The following ZSWIM9 variants were observed in gnomAD, a reference collection of about 807,000 sequenced individuals.
ZSWIM9 encodes the protein uncharacterized protein ZSWIM9.
In ZSWIM9, 11 loss-of-function variants were observed where a neutral mutation model predicts 25.0. The observed-to-expected ratio is 0.44, with a 90% CI of 0.28 to 0.73. The LOEUF (loss-of-function observed/expected upper bound fraction) is 0.73, where lower values mean the gene tolerates loss of function less well. ZSWIM9 is among the 30% of genes least tolerant of loss of function. ZSWIM9 has a pLI of 0.16. For missense variants in ZSWIM9, 1,070 were observed against 1,296.5 expected, an observed-to-expected ratio of 0.83 and a Z score of 2.68; for synonymous variants, 562 against 582.1, an observed-to-expected ratio of 0.97 and a Z score of 0.50.
At chr19:48,176,254 C>T (rs1306382163) in intron 2 of ZSWIM9, among the ~76,000 whole-genome samples, 5 of 152,032 alleles carry the variant, frequency 3.3e-5, no homozygotes, top group East Asian at 1.9e-4. Flanking sequence ...AGCAAAGCAA[C>T]GGGTCCTTGA....
At chr19:48,180,926 G>C (rs1222815435) in intron 2 of ZSWIM9, 1 of 149,176 alleles carries the variant, frequency 6.7e-6, no homozygotes, top group Non-Finnish European at 1.5e-5. Flanking sequence ...CCTATTATTA[G>C]CCAGCACGCC....
At chr19:48,183,418 C>G (rs537498234) in intron 3 of ZSWIM9, among the ~76,000 whole-genome samples, 1 of 152,100 alleles carries the variant, frequency 6.6e-6, no homozygotes, top group Non-Finnish European at 1.5e-5. Context: ...AGAGCCACCA[C>G]GCCCGGCCTG....
In ZSWIM9 at chr19:48,197,083, G is replaced by A; in HGVS notation, c.*256G>A. Reference sequence around the variant, plus strand: ...ATTCTGAGGGCTTCCCTCTGGAGAGGAAGCATGTGATGAGAGGTGTAGACA... The same window carrying A: ...ATTCTGAGGGCTTCCCTCTGGAGAGAAAGCATGTGATGAGAGGTGTAGACA... On this transcript the variant is annotated 3_prime_UTR_variant, in exon 4 of 4. Transcript: ENST00000614654. 1 of 574,902 alleles carries A rather than the reference G, an allele frequency of 1.7e-6. No homozygotes were observed. The highest frequency in any genetic ancestry group is 2.3e-5 in the South Asian group (1 of 43,578). 35.6% of individuals were successfully genotyped at this position (574,902 alleles called of 1,614,324 possible).
At chr19:48,177,841 C>T (rs1024664349) in intron 2 of ZSWIM9, among the ~76,000 whole-genome samples, 1 of 152,198 alleles carries the variant, frequency 6.6e-6, no homozygotes, top group African/African-American at 2.4e-5. Flanking sequence ...CACATGGTGG[C>T]TGTATGTTTA....
rs1332411368 is a variant in ZSWIM9, at chr19:48,195,348, C to A, written c.1284C>A (p.Arg428=). ...CGCGTGGCGTGGCGCAGTGCCTTCG[C>A]GACCTGGTGGCCATGCAGTGGGCCG... is the stretch of plus-strand genomic sequence containing the variant. ...SPSRGVAQCL[R]DLVAMQWADA... Residue 428 remains arginine (R), a synonymous_variant, in exon 4 of 4, where the codon CGC becomes CGA. Coordinates refer to ENST00000614654, the MANE Select transcript of ZSWIM9 (RefSeq NM_199341.4). This position sits in a 1 kb window ranked among gnomAD's most constrained non-coding sequence, Gnocchi z 5.8. 1 of 1,526,014 alleles carries A rather than the reference C, an allele frequency of 6.6e-7. No individual in the cohort carries two copies. The highest frequency in any genetic ancestry group is 8.7e-7 in the Non-Finnish European group (1 of 1,143,236). The allele number at this position is 1,526,014 out of a possible 1,614,324, so 94.5% of individuals were successfully genotyped here.
intron 3 of ZSWIM9, among the ~76,000 whole-genome samples, chr19:48,187,459 A>ATAT (rs1416122137): frequency 3.7e-5 from 3 of 81,256 alleles, no homozygotes; most frequent in Non-Finnish European, 6.9e-5. Context: ...ATTATATATT[A>ATAT]ATTATATATA....
At chr19:48,193,772 C>T (rs1364064624) in intron 3 of ZSWIM9, among the ~76,000 whole-genome samples, 2 of 152,186 alleles carry the variant, frequency 1.3e-5, no homozygotes, top group Non-Finnish European at 2.9e-5. Flanking sequence ...AATATATGTA[C>T]CAGGCAATGT....
chr19:48,176,231 G>A (rs930758935), intron 2 of ZSWIM9, among the ~76,000 whole-genome samples: 5 of 151,902 alleles, frequency 3.3e-5, no homozygotes, highest in African/African-American at 1.2e-4. Context: ...TGGGTAAGTG[G>A]AAGGCAAATC....
intron 3 of ZSWIM9, among the ~76,000 whole-genome samples, chr19:48,187,969 T>TAGACAGACAGACAGACAGAC (rs2037051343): frequency 6.7e-6 from 1 of 148,194 alleles, no homozygotes; most frequent in African/African-American, 2.6e-5. Context: ...GATAGATAGA[T>TAGACAGACAGACAGACAGAC]AGATAGATAG....
intron 3 of ZSWIM9, chr19:48,187,577 ATT>A (rs1307559873): frequency 1.6e-5 from 1 of 64,178 alleles, no homozygotes; most frequent in Non-Finnish European, 3.0e-5. Context: ...TATTATATAT[ATT>A]ATATATTATA....
At chr19:48,176,199 C>G (rs537006262) in intron 2 of ZSWIM9, among the ~76,000 whole-genome samples, 41 of 152,112 alleles carry the variant, frequency 2.7e-4, no homozygotes, top group African/African-American at 9.2e-4. Flanking sequence ...GAGCGAGACT[C>G]TATCTCAAAA....
Position 48,196,873 on chromosome 19 carries a change from G to C in ZSWIM9, c.*46G>C. On this transcript the variant is annotated 3_prime_UTR_variant, in exon 4 of 4. Coordinates refer to ENST00000614654, the MANE Select transcript of ZSWIM9 (RefSeq NM_199341.4). Reference sequence around the variant, plus strand: ...CACCCTCCACCAGGAGGGTCGGAGGGCATTCTTCGATCCCAAAGATAATAG... The same window carrying C: ...CACCCTCCACCAGGAGGGTCGGAGGCCATTCTTCGATCCCAAAGATAATAG... 1 of 1,250,620 alleles carries C rather than the reference G, an allele frequency of 8.0e-7. No homozygotes were observed. The highest frequency in any genetic ancestry group is 1.0e-6 in the Non-Finnish European group (1 of 999,180). The allele number at this position is 1,250,620 out of a possible 1,614,324, so 77.5% of individuals were successfully genotyped here.
At chr19:48,178,948 G>A (rs1022577114) in intron 2 of ZSWIM9, among the ~76,000 whole-genome samples, 2 of 152,054 alleles carry the variant, frequency 1.3e-5, no homozygotes, top group South Asian at 4.2e-4. Context: ...CTATGGCTTC[G>A]TTTGCAATAT....
chr19:48,195,243 C>T lies in ZSWIM9; in HGVS notation c.1179C>T (p.Ala393=). 1.3e-6 allele frequency: 2 copies of T among 1,529,416 alleles called. No homozygotes were observed. The highest frequency in any genetic ancestry group is 1.7e-6 in the Non-Finnish European group (2 of 1,143,290). The allele number at this position is 1,529,416 out of a possible 1,614,324, so 94.7% of individuals were successfully genotyped here. A position where few individuals can be genotyped will look rare whatever the true frequency, so the allele number is the denominator to read the frequency against. ...GCGACATGTGGGTCCGCTTCCGCGC[C>T]TTCGAGGCGGCCAGAGACCTGGACG... The part of the protein sequence containing the change: ...PRRDMWVRFR[A]FEAARDLDAC... The change falls in exon 4 of 4, where the codon GCC becomes GCT. Residue 393 remains alanine (A), a synonymous_variant. Coordinates refer to ENST00000614654, the MANE Select transcript of ZSWIM9 (RefSeq NM_199341.4). The surrounding 1 kb of genome is among the most constrained non-coding windows in gnomAD (Gnocchi z 5.8).
Position 48,182,220 on chromosome 19 carries a change from C to G in ZSWIM9, c.276-235C>G, listed in dbSNP as rs558208992. ...ATATTAACTCTTTTCATGCTCATGACGATCCTATGAGGAAGGTATGATGAG... is the reference window on the plus strand; with the variant it reads ...ATATTAACTCTTTTCATGCTCATGAGGATCCTATGAGGAAGGTATGATGAG... On this transcript the variant is annotated intron_variant, in intron 2 of 3. Transcript: ENST00000614654. This position sits in a 1 kb window ranked among gnomAD's most constrained non-coding sequence, Gnocchi z 4.6. 1.8e-6 allele frequency: 1 copy of G among 563,316 alleles called. No homozygotes were observed. The highest frequency in any genetic ancestry group is 2.3e-5 in the South Asian group (1 of 42,748). The allele number at this position is 563,316 out of a possible 1,614,324, so 34.9% of individuals were successfully genotyped here.
In ZSWIM9 at chr19:48,182,075, G is replaced by A; in HGVS notation, c.276-380G>A. The A allele has an allele frequency of 1.1e-5, 2 of 189,696 alleles. No individual in the cohort carries two copies. Among genetic ancestry groups the A allele is most frequent in the East Asian group, 2.7e-4 (2 of 7,358 alleles). 11.8% of individuals were successfully genotyped at this position (189,696 alleles called of 1,614,324 possible). On this transcript the variant is annotated intron_variant, in intron 2 of 3. Transcript: ENST00000614654. The surrounding 1 kb of genome is among the most constrained non-coding windows in gnomAD (Gnocchi z 4.6). ...CTGAAATTTTTTATTTCTAAAAAAA[G>A]TTAAGGTAAATACAATAAAACATTC...
chr19:48,181,347 A>C (rs925957469), intron 2 of ZSWIM9: 6 of 152,272 alleles, frequency 3.9e-5, no homozygotes, highest in African/African-American at 1.4e-4. Context: ...CTTTATATAA[A>C]TGGGAATTAT....
Position 48,196,544 on chromosome 19 carries a change from G to C in ZSWIM9, c.2480G>C (p.Arg827Pro). The change falls in exon 4 of 4, where the codon CGA becomes CCA. Residue 827 changes from arginine (R) to proline (P), a missense_variant. Arg to Pro is a moderately radical substitution (Grantham distance 103). This residue lies in a region of ZSWIM9 where 583 missense variants were observed against 624.7 expected (regional missense o/e 0.93). Transcript: ENST00000614654. Reference protein sequence around the residue: ...EVDWEPLAKFRAACGPELADL... With the variant: ...EVDWEPLAKFPAACGPELADL... ...GACTGGGAACCCCTGGCCAAATTCC[G>C]AGCAGCCTGCGGGCCAGAGCTGGCA... The C allele has an allele frequency of 8.1e-7, 1 of 1,232,480 alleles. No homozygotes were observed. The highest frequency in any genetic ancestry group is 1.0e-6 in the Non-Finnish European group (1 of 988,306). The allele number at this position is 1,232,480 out of a possible 1,614,324, so 76.3% of individuals were successfully genotyped here. A position where few individuals can be genotyped will look rare whatever the true frequency, so the allele number is the denominator to read the frequency against.
chr19:48,182,074 A>T lies in ZSWIM9; in HGVS notation c.276-381A>T, dbSNP rs1406903744. On this transcript the variant is annotated intron_variant, in intron 2 of 3. Transcript: ENST00000614654. This position sits in a 1 kb window ranked among gnomAD's most constrained non-coding sequence, Gnocchi z 4.6. The stretch of plus-strand genomic sequence containing the variant: ...TCTGAAATTTTTTATTTCTAAAAAA[A>T]GTTAAGGTAAATACAATAAAACATT... 5.3e-6 allele frequency: 1 copy of T among 187,510 alleles called. No homozygotes were observed. The highest frequency in any genetic ancestry group is 1.8e-4 in the South Asian group (1 of 5,664). 11.6% of individuals were successfully genotyped at this position (187,510 alleles called of 1,614,324 possible).
Sources: allele counts gnomAD v4.1 joint callset (sites outside exome capture counted in the v4.1 genomes callset), GRCh38; gene constraint gnomAD v4.1.1; regional missense constraint gnomAD v4.1.1; non-coding constraint Gnocchi (gnomAD v3.1); transcripts MANE v1.5; gene names NCBI Gene and HGNC (gene_info 2026-07-23, HGNC 2026-07-21).